Variants in PDE10A observed in about 807,000 individuals in gnomAD.
The protein encoded by PDE10A is phosphodiesterase 10A.
In PDE10A, 39 loss-of-function variants were observed where a neutral mutation model predicts 97.7. The ratio of observed to expected loss-of-function variants is 0.40; its 90% CI spans 0.31 to 0.52. The LOEUF is 0.52. Ranked by LOEUF, PDE10A falls within the 20% of genes least tolerant of loss-of-function variation. PDE10A has a pLI of 0.56. For missense variants in PDE10A, 731 were observed against 1,047.8 expected (o/e 0.70, Z 4.17); for synonymous variants, 371 against 376.8 (o/e 0.98, Z 0.18).
chr6:165,512,382 T>C (rs900939994), intron 2 of PDE10A, among the ~76,000 whole-genome samples: 6 of 151,698 alleles, frequency 4.0e-5, no homozygotes, highest in African/African-American at 7.3e-5. Context: ...ATAGTAATTA[T>C]AGTAATAAAT....
chr6:165,621,760 AAAG>A (rs1333965502), intron 1 of PDE10A, among the ~76,000 whole-genome samples: 1 of 132,814 alleles, frequency 7.5e-6, no homozygotes, highest in Non-Finnish European at 1.7e-5. Flanking sequence ...CTTATCTAAA[AAAG>A]AAAAAAAAAA....
At chr6:165,507,698 C>T (rs1781279266) in intron 2 of PDE10A, among the ~76,000 whole-genome samples, 1 of 152,030 alleles carries the variant, frequency 6.6e-6, no homozygotes, top group African/African-American at 2.4e-5. Context: ...TTCCAACTAA[C>T]ACTTAACTAC....
chr6:165,794,300 TCACA>T (rs1354729677), intron 1 of PDE10A, among the ~76,000 whole-genome samples: 2 of 147,472 alleles, frequency 1.4e-5, no homozygotes, highest in Non-Finnish European at 3.0e-5. Context: ...CCTCCCACAC[TCACA>T]CACGCTCACA....
At chr6:165,369,296 A>C (rs1242579376) in intron 18 of PDE10A, among the ~76,000 whole-genome samples, 1 of 152,046 alleles carries the variant, frequency 6.6e-6, no homozygotes, top group African/African-American at 2.4e-5. Flanking sequence ...ACGGGAGGAC[A>C]TTCAAACCAA....
chr6:165,536,814 C>A (rs1044547157), intron 2 of PDE10A, among the ~76,000 whole-genome samples: 6 of 151,358 alleles, frequency 4.0e-5, no homozygotes, highest in African/African-American at 9.7e-5. Flanking sequence ...CAAATGCTGG[C>A]GAAGAAAGGG....
chr6:165,880,981 T>A (rs1781456199), intron 1 of PDE10A, among the ~76,000 whole-genome samples: 1 of 152,266 alleles, frequency 6.6e-6, no homozygotes, highest in Non-Finnish European at 1.5e-5. Flanking sequence ...GAGTTTTTGA[T>A]GTTTAAGAAG....
At chr6:165,607,403 T>A (rs1281003262) in intron 1 of PDE10A, among the ~76,000 whole-genome samples, 1 of 152,190 alleles carries the variant, frequency 6.6e-6, no homozygotes, top group Non-Finnish European at 1.5e-5. Context: ...CATTACCTTT[T>A]TATGTTCAGA....
chr6:165,517,104 C>A (rs776102220), intron 2 of PDE10A, among the ~76,000 whole-genome samples: 2 of 152,126 alleles, frequency 1.3e-5, no homozygotes, highest in Non-Finnish European at 2.9e-5. Context: ...TAATACACAC[C>A]TCTTGTGTCC....
intron 2 of PDE10A, among the ~76,000 whole-genome samples, chr6:165,541,985 C>T (rs565244339): frequency 3.3e-5 from 5 of 152,130 alleles, no homozygotes; most frequent in Non-Finnish European, 7.4e-5. Flanking sequence ...AGAAAAATTA[C>T]CTATACTTCT....
At chr6:165,710,315 G>A (rs1459839998) in intron 1 of PDE10A, among the ~76,000 whole-genome samples, 1 of 152,120 alleles carries the variant, frequency 6.6e-6, no homozygotes, top group Non-Finnish European at 1.5e-5. Context: ...ACATAGCAGG[G>A]GCAAAAACAT....
chr6:165,755,628 T>C (rs956292624), intron 1 of PDE10A, among the ~76,000 whole-genome samples: 1 of 151,962 alleles, frequency 6.6e-6, no homozygotes, highest in South Asian at 2.1e-4. Flanking sequence ...AAGAGTAGGG[T>C]TGGAATTGTT....
intron 15 of PDE10A, among the ~76,000 whole-genome samples, chr6:165,394,116 G>A (rs1302697032): frequency 1.3e-5 from 2 of 151,892 alleles, no homozygotes; most frequent in Non-Finnish European, 1.5e-5. Context: ...CGTGCAGAAC[G>A]TGCAGGTTTG....
intron 1 of PDE10A, among the ~76,000 whole-genome samples, chr6:165,854,263 C>T (rs901908083): frequency 2.6e-5 from 4 of 152,164 alleles, no homozygotes; most frequent in Non-Finnish European, 5.9e-5. Flanking sequence ...GCCCGGGAAT[C>T]GCCCCTGCGC....
intron 1 of PDE10A, among the ~76,000 whole-genome samples, chr6:165,822,634 C>T (rs1247433599): frequency 6.6e-6 from 1 of 150,704 alleles, no homozygotes; most frequent in Non-Finnish European, 1.5e-5. Context: ...AAAAAGAGTG[C>T]ACCGGTACAA....
intron 1 of PDE10A, among the ~76,000 whole-genome samples, chr6:165,925,476 C>T (rs952778573): frequency 1.3e-5 from 2 of 152,078 alleles, no homozygotes; most frequent in African/African-American, 4.8e-5. Flanking sequence ...AATAAAAAAA[C>T]ACTGGAAATA....
At chr6:165,483,277 A>G (rs1779709278) in intron 2 of PDE10A, among the ~76,000 whole-genome samples, 1 of 152,248 alleles carries the variant, frequency 6.6e-6, no homozygotes, top group South Asian at 2.1e-4. Flanking sequence ...TTAACATACC[A>G]AAAATGGAAT....
intron 1 of PDE10A, among the ~76,000 whole-genome samples, chr6:165,905,826 A>C (rs1045478411): frequency 6.6e-6 from 1 of 152,138 alleles, no homozygotes; most frequent in Non-Finnish European, 1.5e-5. Flanking sequence ...CCCAGATGTC[A>C]GGTTTAAAAA....
intron 2 of PDE10A, among the ~76,000 whole-genome samples, chr6:165,499,274 G>A (rs967803148): frequency 6.6e-6 from 1 of 152,144 alleles, no homozygotes; most frequent in Non-Finnish European, 1.5e-5. Context: ...GCAGGATCCT[G>A]CCTCAAGTAC....
intron 2 of PDE10A, among the ~76,000 whole-genome samples, chr6:165,527,967 T>C (rs9365890): frequency 0.69 from 104,918 of 151,698 alleles, 39,571 homozygotes; most frequent in Non-Finnish European, 0.83. Flanking sequence ...TTTTCTGGGA[T>C]ATCCCTAGAG....
Sources: gnomAD v4.1 joint callset for allele counts (sites outside exome capture counted in the v4.1 genomes callset) on GRCh38, gnomAD v4.1.1 for gene constraint, MANE v1.5 for transcripts, NCBI Gene and HGNC (gene_info 2026-07-23, HGNC 2026-07-21) for gene names.